Variants in HMGB1 observed in about 807,000 individuals in gnomAD.
The protein encoded by HMGB1 is high mobility group protein B1.
For missense variants in HMGB1, 79 were observed against 253.5 expected, an observed-to-expected ratio of 0.31 and a Z score of 4.67; for synonymous variants, 81 against 84.0, an observed-to-expected ratio of 0.96 and a Z score of 0.19.
chr13:30,570,663 C>T (rs1870389209), intron 1 of HMGB1, among the ~76,000 whole-genome samples: 1 of 152,200 alleles, frequency 6.6e-6, no homozygotes, highest in South Asian at 2.1e-4. Flanking sequence ...CTGCTTCCTA[C>T]ACCCTTAGGA....
rs953166498 is a variant in HMGB1 at position 30,460,052 on chromosome 13, G to A, written c.*1305C>T. 6.6e-6 allele frequency: 1 copy of A among 152,472 alleles called. No homozygotes were observed. The highest frequency in any genetic ancestry group is 1.5e-5 in the Non-Finnish European group (1 of 67,982). 9.4% of individuals were successfully genotyped at this position (152,472 alleles called of 1,614,324 possible). A position where few individuals can be genotyped will look rare whatever the true frequency, so the allele number is the denominator to read the frequency against. On this transcript the variant is annotated 3_prime_UTR_variant, in exon 5 of 5. Transcript: ENST00000341423. ...GGCACTTTAAGAAAACGATAATCTC[G>A]AAAACCACAAAATTGCCAAATTGTT... is the stretch of plus-strand genomic sequence containing the variant.
chr13:30,502,653 T>G (rs1041527477), intron 1 of HMGB1, among the ~76,000 whole-genome samples: 1 of 146,748 alleles, frequency 6.8e-6, no homozygotes, highest in African/African-American at 2.5e-5. Flanking sequence ...ATTTTATTTA[T>G]TTTATTTTAT....
intron 1 of HMGB1, among the ~76,000 whole-genome samples, chr13:30,587,503 T>C (rs1328811919): frequency 6.6e-6 from 1 of 152,220 alleles, no homozygotes; most frequent in Admixed American, 6.5e-5. Context: ...TTTAGCTTTC[T>C]GAATTTCTCA....
At chr13:30,498,007 G>A (rs1429662752) in intron 1 of HMGB1, among the ~76,000 whole-genome samples, 1 of 152,192 alleles carries the variant, frequency 6.6e-6, no homozygotes, top group Non-Finnish European at 1.5e-5. Context: ...TGGTAGTTCT[G>A]TTTTAAGTTC....
At position 30,527,862 on chromosome 13, in the gene HMGB1, TC is replaced by T. The variant is rs535451168; in HGVS notation, c.-14-64169del. On this transcript the variant is annotated intron_variant, in intron 1 of 4. Coordinates refer to the HMGB1 transcript ENST00000405805. ...TCAAACTCTGAAAGATGTGTGCTCT[TC>T]CCCCCATAGTAGAATGCCTTCCATA... 7.8e-4 allele frequency among the ~76,000 whole-genome samples: 118 copies of T among 152,154 alleles called. 1 individual carries two copies. The highest frequency in any genetic ancestry group is 1.5e-3 in the Admixed American group (23 of 15,272).
chr13:30,558,709 A>G (rs932598345), intron 1 of HMGB1, among the ~76,000 whole-genome samples: 2 of 152,170 alleles, frequency 1.3e-5, no homozygotes, highest in South Asian at 4.1e-4. Flanking sequence ...TCCCCCAGAT[A>G]CTGCAAATGT....
At chr13:30,582,006 A>G (rs1388464400) in intron 1 of HMGB1, among the ~76,000 whole-genome samples, 8 of 152,190 alleles carry the variant, frequency 5.3e-5, no homozygotes, top group Admixed American at 5.2e-4. Context: ...AGGCAAACAG[A>G]ATATAATCTG....
chr13:30,609,578 A>C (rs1212220235), intron 1 of HMGB1, among the ~76,000 whole-genome samples: 1 of 152,150 alleles, frequency 6.6e-6, no homozygotes, highest in Non-Finnish European at 1.5e-5. Context: ...GAGGCTTAAG[A>C]CAGCAAGAAC....
intron 1 of HMGB1, among the ~76,000 whole-genome samples, chr13:30,518,846 CA>C (rs58109089): frequency 0.23 from 20,091 of 88,920 alleles, 1,549 homozygotes; most frequent in African/African-American, 0.3. Flanking sequence ...GCTGGGACCA[CA>C]AAAAAAAAAA....
intron 1 of HMGB1, among the ~76,000 whole-genome samples, chr13:30,483,359 T>C (rs1009242342): frequency 8.1e-5 from 12 of 147,704 alleles, no homozygotes; most frequent in African/African-American, 1.7e-4. Context: ...TAACTCCTCC[T>C]TTCCCTCACT....
chr13:30,554,516 T>C (rs1305783511), intron 1 of HMGB1: 1 of 961,164 alleles, frequency 1.0e-6, no homozygotes, highest in East Asian at 2.4e-5. Context: ...AAAGGTAGAT[T>C]CTAGTATACA....
At chr13:30,500,248 G>A (rs1259790276) in intron 1 of HMGB1, among the ~76,000 whole-genome samples, 1 of 152,116 alleles carries the variant, frequency 6.6e-6, no homozygotes, top group Admixed American at 6.5e-5. Context: ...TGGACTACCT[G>A]GCCTCCTGAA....
chr13:30,577,298 C>T (rs1164669591), intron 1 of HMGB1, among the ~76,000 whole-genome samples: 3 of 150,848 alleles, frequency 2.0e-5, no homozygotes, highest in African/African-American at 4.9e-5. Flanking sequence ...TATGATCACA[C>T]CTCTGCACTC....
intron 1 of HMGB1, among the ~76,000 whole-genome samples, chr13:30,573,086 C>T (rs1870501863): frequency 6.6e-6 from 1 of 152,098 alleles, no homozygotes; most frequent in African/African-American, 2.4e-5. Context: ...GAAGACACAA[C>T]TCATTAATTA....
At chr13:30,577,751 T>C (rs1258065095) in intron 1 of HMGB1, among the ~76,000 whole-genome samples, 1 of 152,254 alleles carries the variant, frequency 6.6e-6, no homozygotes, top group African/African-American at 2.4e-5. Context: ...AACAAGGCGA[T>C]ACATGCATAA....
intron 1 of HMGB1, chr13:30,616,604 C>A (rs1432640718): frequency 1.3e-5 from 2 of 152,134 alleles, no homozygotes; most frequent in Non-Finnish European, 1.5e-5. Flanking sequence ...ACCTAACTAG[C>A]TAGATCTTAA....
intron 1 of HMGB1, among the ~76,000 whole-genome samples, chr13:30,548,245 C>A (rs1416163210): frequency 6.6e-6 from 1 of 152,110 alleles, no homozygotes; most frequent in Admixed American, 6.6e-5. Flanking sequence ...CTCATGAGAT[C>A]TGACGGTTTT....
chr13:30,542,385 T>C (rs80111791), intron 1 of HMGB1: 42,654 of 158,112 alleles, frequency 0.27, 8,205 homozygotes, highest in African/African-American at 0.55. Flanking sequence ...CCGCCTCCCC[T>C]GCCACCCCTG....
intron 1 of HMGB1, among the ~76,000 whole-genome samples, chr13:30,603,896 A>C (rs1372159920): frequency 6.6e-6 from 1 of 152,148 alleles, no homozygotes; most frequent in Non-Finnish European, 1.5e-5. Flanking sequence ...TTCAGAATAG[A>C]TGCTTTTTTT....
Sources: gnomAD v4.1 joint callset for allele counts (sites outside exome capture counted in the v4.1 genomes callset) on GRCh38, gnomAD v4.1.1 for gene constraint, MANE v1.5 for transcripts, NCBI Gene and HGNC (gene_info 2026-07-23, HGNC 2026-07-21) for gene names.